The following NRXN3 variants were observed in gnomAD, a reference collection of about 807,000 sequenced individuals.
NRXN3 encodes neurexin 3.
NRXN3 carries 32 observed loss-of-function variants against 137.6 expected under a neutral mutation model. The ratio of observed to expected loss-of-function variants is 0.23; its 90% CI spans 0.18 to 0.31. The LOEUF is 0.31. NRXN3 is among the 10% of genes least tolerant of loss of function. The pLI is 1.00. For synonymous variants in NRXN3, 798 were observed against 784.5 expected, an observed-to-expected ratio of 1.02 and a Z score of -0.29; for missense variants, 1,574 against 2,062.5, an observed-to-expected ratio of 0.76 and a Z score of 4.59.
At chr14:78,686,590 C>T (rs1230029608) in intron 6 of NRXN3, among the ~76,000 whole-genome samples, 1 of 152,184 alleles carries the variant, frequency 6.6e-6, no homozygotes, top group Non-Finnish European at 1.5e-5. Flanking sequence ...AGCTAGCATA[C>T]AGATTAGTAA....
intron 15 of NRXN3, among the ~76,000 whole-genome samples, chr14:79,163,121 A>C (rs1334831007): frequency 6.6e-6 from 1 of 151,942 alleles, no homozygotes; most frequent in Non-Finnish European, 1.5e-5. Context: ...AGAACCTGAT[A>C]AGTGGTGGAC....
At chr14:78,258,792 C>G (rs1373390254) in intron 2 of NRXN3, among the ~76,000 whole-genome samples, 1 of 152,102 alleles carries the variant, frequency 6.6e-6, no homozygotes, top group Non-Finnish European at 1.5e-5. Flanking sequence ...AAAAACTATT[C>G]ATGTTGGTTT....
intron 15 of NRXN3, among the ~76,000 whole-genome samples, chr14:79,198,942 G>A (rs1272790789): frequency 1.3e-5 from 2 of 152,140 alleles, no homozygotes; most frequent in African/African-American, 4.8e-5. Context: ...CGAGAAAGGC[G>A]GATCACGAAG....
At chr14:78,717,464 G>A (rs1023233655) in intron 8 of NRXN3, among the ~76,000 whole-genome samples, 2 of 152,112 alleles carry the variant, frequency 1.3e-5, no homozygotes, top group African/African-American at 2.4e-5. Context: ...ATCCCAGACG[G>A]TTCAACTGAT....
intron 15 of NRXN3, among the ~76,000 whole-genome samples, chr14:78,992,563 T>C (rs181833263): frequency 2.6e-5 from 4 of 152,300 alleles, no homozygotes; most frequent in African/African-American, 9.6e-5. Flanking sequence ...CTGTATTTTG[T>C]GGTAATATTG....
At chr14:79,858,486 GCCT>G (rs576526376) in intron 20 of NRXN3, among the ~76,000 whole-genome samples, 142 of 152,194 alleles carry the variant, frequency 9.3e-4, no homozygotes, top group African/African-American at 3.3e-3. Context: ...CCAGGGCTTT[GCCT>G]CCTAAGATAT....
chr14:78,698,523 C>G (rs769068695), intron 6 of NRXN3, among the ~76,000 whole-genome samples: 1 of 151,740 alleles, frequency 6.6e-6, no homozygotes, highest in Admixed American at 6.6e-5. Flanking sequence ...GATACTGTCT[C>G]AAAACATTCA....
intron 16 of NRXN3, among the ~76,000 whole-genome samples, chr14:79,565,267 G>GTGTGTGTATACATACATATACACA (rs1316324499): frequency 7.9e-4 from 8 of 10,128 alleles, no homozygotes; most frequent in Admixed American, 6.1e-3. Flanking sequence ...ATATACACAT[G>GTGTGTGTATACATACATATACACA]TGTGTGTGTA....
chr14:79,124,134 T>G (rs1452153961), intron 15 of NRXN3, among the ~76,000 whole-genome samples: 1 of 152,166 alleles, frequency 6.6e-6, no homozygotes, highest in African/African-American at 2.4e-5. Context: ...CTAGTATTGA[T>G]TGCATCAGCG....
intron 16 of NRXN3, among the ~76,000 whole-genome samples, chr14:79,601,256 T>A (rs965973076): frequency 6.6e-6 from 1 of 152,082 alleles, no homozygotes; most frequent in African/African-American, 2.4e-5. Flanking sequence ...TTGGCCAGAA[T>A]GGTCTCCATC....
intron 4 of NRXN3, among the ~76,000 whole-genome samples, chr14:78,413,926 G>A (rs2092983954): frequency 6.6e-6 from 1 of 152,136 alleles, no homozygotes; most frequent in African/African-American, 2.4e-5. Context: ...AATCATGGGG[G>A]CAGGTTTTTG....
At chr14:79,617,917 C>CAGAAAAAAAAAAAAA (rs1673015828) in intron 16 of NRXN3, among the ~76,000 whole-genome samples, 1 of 91,332 alleles carries the variant, frequency 1.1e-5, no homozygotes, top group Non-Finnish European at 2.0e-5. Flanking sequence ...TGAATAGCAG[C>CAGAAAAAAAAAAAAA]AAAAAAAAAA....
chr14:78,253,281 TG>T (rs1388796160), intron 2 of NRXN3, among the ~76,000 whole-genome samples: 1 of 152,060 alleles, frequency 6.6e-6, no homozygotes, highest in African/African-American at 2.4e-5. Flanking sequence ...GTGGATCATG[TG>T]GCCCTGTTAG....
At chr14:78,457,856 G>A (rs1245748522) in intron 4 of NRXN3, among the ~76,000 whole-genome samples, 1 of 152,152 alleles carries the variant, frequency 6.6e-6, no homozygotes, top group Non-Finnish European at 1.5e-5. Flanking sequence ...CAGCAATCAA[G>A]GTGATCTCTT....
At chr14:79,363,004 AT>A (rs11368184) in intron 15 of NRXN3, among the ~76,000 whole-genome samples, 64,766 of 142,926 alleles carry the variant, frequency 0.45, 14,199 homozygotes, top group South Asian at 0.53. Flanking sequence ...TAGAATTGGA[AT>A]TTTTTTTTTT....
chr14:78,654,016 G>C (rs758592078), intron 6 of NRXN3, among the ~76,000 whole-genome samples: 14 of 152,226 alleles, frequency 9.2e-5, no homozygotes, highest in Non-Finnish European at 1.8e-4. Flanking sequence ...CCTGTACAGC[G>C]TGATAGTCTT....
At chr14:78,691,777 G>T (rs1482371474) in intron 6 of NRXN3, among the ~76,000 whole-genome samples, 1 of 152,110 alleles carries the variant, frequency 6.6e-6, no homozygotes, top group Non-Finnish European at 1.5e-5. Context: ...CAGAGGAGGA[G>T]GATGCCGCTA....
chr14:78,732,151 G>T (rs1288709888), intron 8 of NRXN3, among the ~76,000 whole-genome samples: 1 of 152,144 alleles, frequency 6.6e-6, no homozygotes, highest in African/African-American at 2.4e-5. Context: ...ACAAGAAGGA[G>T]CATGCAAGTA....
chr14:78,661,060 T>C (rs1208787804), intron 6 of NRXN3, among the ~76,000 whole-genome samples: 1 of 152,202 alleles, frequency 6.6e-6, no homozygotes, highest in East Asian at 1.9e-4. Flanking sequence ...TGAGGAACGC[T>C]AGTGAATAAA....
Sources: gnomAD v4.1 joint callset for allele counts (sites outside exome capture counted in the v4.1 genomes callset) on GRCh38, gnomAD v4.1.1 for gene constraint, MANE v1.5 for transcripts, NCBI Gene and HGNC (gene_info 2026-07-23, HGNC 2026-07-21) for gene names.